The following PDE1C variants were observed in gnomAD, a reference collection of about 807,000 sequenced individuals.
PDE1C encodes phosphodiesterase 1C, also known as dual specificity calcium/calmodulin-dependent 3',5'-cyclic nucleotide phosphodiesterase 1C.
In PDE1C, 62 loss-of-function variants were observed where a neutral mutation model predicts 93.1. That is an observed-to-expected ratio of 0.67 (90% CI 0.54 to 0.82). PDE1C has a LOEUF of 0.82. Ranked by LOEUF, PDE1C falls within the 40% of genes least tolerant of loss-of-function variation. The probability of loss-of-function intolerance (pLI) is 0.00; values close to 1 mark genes in which losing one functional copy is unlikely to be tolerated. For missense variants in PDE1C, 742 were observed against 884.6 expected (o/e 0.84, Z 2.04); for synonymous variants, 325 against 310.1 (o/e 1.05, Z -0.50).
At chr7:31,996,063 CCGGACA>C (rs1563161976) in intron 2 of PDE1C, among the ~76,000 whole-genome samples, 1 of 122,032 alleles carries the variant, frequency 8.2e-6, no homozygotes, top group Non-Finnish European at 1.7e-5. Context: ...CTTTACGCTT[CCGGACA>C]CACACACACA....
chr7:32,262,438 G>A (rs954342938), intron 1 of PDE1C, among the ~76,000 whole-genome samples: 1 of 152,188 alleles, frequency 6.6e-6, no homozygotes, highest in Non-Finnish European at 1.5e-5. Context: ...ACTGAAGACA[G>A]GTTCCTCTGA....
At chr7:31,988,865 C>T (rs999200797) in intron 2 of PDE1C, among the ~76,000 whole-genome samples, 1 of 151,828 alleles carries the variant, frequency 6.6e-6, no homozygotes, top group African/African-American at 2.4e-5. Flanking sequence ...CGTAGTGGCA[C>T]ATGCCTGTAA....
Position 32,121,496 on chromosome 7 carries a change from T to C in PDE1C, c.308+48289A>G, listed in dbSNP as rs575769486. Among the ~76,000 whole-genome samples the C allele has an allele frequency of 5.9e-5, 9 of 152,142 alleles. No homozygotes were observed. The South Asian group carries it at 1.9e-3, about 32-fold the overall frequency. ...AGCCAGAGAGAAAGGCCAGGTCATC[T>C]ACATAGGGAAGCCTAACAGACTAAC... On this transcript the variant is annotated intron_variant, in intron 3 of 18. Coordinates refer to the PDE1C transcript ENST00000396193.
intron 1 of PDE1C, among the ~76,000 whole-genome samples, chr7:32,305,489 T>C (rs889647607): frequency 2.6e-5 from 4 of 152,204 alleles, no homozygotes; most frequent in African/African-American, 7.2e-5. Context: ...GCAACAAGTA[T>C]AGTGATCTTT....
intron 1 of PDE1C, among the ~76,000 whole-genome samples, chr7:32,240,843 A>G (rs1808494863): frequency 6.6e-6 from 1 of 152,198 alleles, no homozygotes; most frequent in African/African-American, 2.4e-5. Context: ...AGGCTAATAC[A>G]AGATTCAGTC....
At chr7:32,406,055 C>G (rs1333398404) in intron 1 of PDE1C, among the ~76,000 whole-genome samples, 1 of 152,134 alleles carries the variant, frequency 6.6e-6, no homozygotes, top group Non-Finnish European at 1.5e-5. Flanking sequence ...GTAGACGTTA[C>G]AAGTTATTAG....
At chr7:31,999,501 C>T (rs1785178830) in intron 2 of PDE1C, among the ~76,000 whole-genome samples, 1 of 152,032 alleles carries the variant, frequency 6.6e-6, no homozygotes, top group Admixed American at 6.6e-5. Context: ...GAAAAAGCAC[C>T]AGGAATCTGC....
At chr7:31,727,791 C>T in the PDE1C span, among the ~76,000 whole-genome samples, 1 of 152,168 alleles carries the variant, frequency 6.6e-6, no homozygotes, top group Non-Finnish European at 1.5e-5. Context: ...CCTATAATCA[C>T]AGCAGTTTGG....
intron 1 of PDE1C, among the ~76,000 whole-genome samples, chr7:32,372,381 T>A (rs117561346): frequency 0.011 from 1,653 of 152,158 alleles, 16 homozygotes; most frequent in Non-Finnish European, 0.018. Context: ...ACCAAGACAA[T>A]TCAATGGGGA....
the PDE1C span, chr7:31,643,148 A>C: frequency 6.2e-7 from 1 of 1,614,006 alleles, no homozygotes; most frequent in South Asian, 1.1e-5. Context: ...CAAAGCCACC[A>C]CAATGAGTCT....
chr7:31,633,353 G>A, the PDE1C span, among the ~76,000 whole-genome samples: 2 of 152,174 alleles, frequency 1.3e-5, no homozygotes, highest in Non-Finnish European at 2.9e-5. Context: ...TTCCTAAAAC[G>A]TATGATGCTC....
At chr7:32,031,522 A>G (rs1320586149) in intron 2 of PDE1C, among the ~76,000 whole-genome samples, 1 of 152,180 alleles carries the variant, frequency 6.6e-6, no homozygotes, top group East Asian at 1.9e-4. Context: ...GTGAAATCAC[A>G]GAAGTGTTAA....
At chr7:32,340,212 A>G (rs2128079689) in intron 1 of PDE1C, among the ~76,000 whole-genome samples, 1 of 152,300 alleles carries the variant, frequency 6.6e-6, no homozygotes, top group African/African-American at 2.4e-5. Context: ...TGGGGCAGTT[A>G]TCGTCGATGA....
chr7:31,827,470 G>C (rs1016233478), intron 12 of PDE1C, among the ~76,000 whole-genome samples: 1 of 152,024 alleles, frequency 6.6e-6, no homozygotes, highest in African/African-American at 2.4e-5. Flanking sequence ...GTAACATTTT[G>C]CCCATCACCC....
intron 17 of PDE1C, among the ~76,000 whole-genome samples, chr7:31,759,900 TTC>T (rs149922505): frequency 3.3e-5 from 5 of 151,118 alleles, no homozygotes; most frequent in African/African-American, 7.3e-5. Flanking sequence ...CATTCTCTCT[TTC>T]TCTCTCTCTC....
chr7:32,309,704 G>C (rs1036899236), intron 1 of PDE1C, among the ~76,000 whole-genome samples: 71 of 152,282 alleles, frequency 4.7e-4, no homozygotes, highest in Non-Finnish European at 1.0e-3. Context: ...AATGCTGAGA[G>C]ATTTTGTCAC....
In PDE1C at chr7:32,135,353, T is replaced by C. The variant is rs181565377; in HGVS notation, c.308+34432A>G. Among the ~76,000 whole-genome samples the C allele has an allele frequency of 4.0e-3, 614 of 152,004 alleles. 4 individuals are homozygous for C. Among genetic ancestry groups the C allele is most frequent in the Non-Finnish European group, 6.4e-3 (436 of 67,958 alleles). ...AAGCAACCTACAAAATGAGAGAAAA[T>C]AGTTGCGAACCATATATCTGATAAG... On this transcript the variant is annotated intron_variant, in intron 3 of 18. Coordinates refer to the PDE1C transcript ENST00000396193.
intron 1 of PDE1C, among the ~76,000 whole-genome samples, chr7:32,056,864 A>C (rs1232697435): frequency 2.0e-5 from 3 of 152,196 alleles, no homozygotes; most frequent in African/African-American, 7.2e-5. Flanking sequence ...ATCTTGGAAC[A>C]CTTGAACCAC....
intron 1 of PDE1C, among the ~76,000 whole-genome samples, chr7:32,405,401 A>G (rs1263255083): frequency 1.3e-5 from 2 of 151,798 alleles, no homozygotes; most frequent in Non-Finnish European, 2.9e-5. Flanking sequence ...ACAGGCATGC[A>G]CCACCACGCC....
Sources: allele counts gnomAD v4.1 joint callset (sites outside exome capture counted in the v4.1 genomes callset), GRCh38; gene constraint gnomAD v4.1.1; transcripts MANE v1.5; gene names NCBI Gene and HGNC (gene_info 2026-07-23, HGNC 2026-07-21).